The following CSMD1 variants were observed in gnomAD, a reference collection of about 807,000 sequenced individuals.
CSMD1 encodes CUB and sushi domain-containing protein 1.
CSMD1 carries 213 observed loss-of-function variants against 417.5 expected under a neutral mutation model. The observed-to-expected ratio is 0.51, with a 90% CI of 0.46 to 0.57. The LOEUF is 0.57. CSMD1 is among the 20% of genes least tolerant of loss of function. The pLI is 0.00. For missense variants in CSMD1, 6,923 were observed against 4,529.7 expected, an observed-to-expected ratio of 1.53 and a Z score of -15.17; for synonymous variants, 2,862 against 1,736.8, an observed-to-expected ratio of 1.65 and a Z score of -16.11.
intron 49 of CSMD1, among the ~76,000 whole-genome samples, chr8:3,067,705 C>A (rs1198155525): frequency 6.6e-6 from 1 of 151,014 alleles, no homozygotes; most frequent in African/African-American, 2.4e-5. Context: ...ATGAAATATA[C>A]AATAAACGAG....
chr8:3,979,432 G>A lies in CSMD1; in HGVS notation c.818+18471C>T, dbSNP rs143880980. Reference sequence around the variant, plus strand: ...ACATGGAAAAGCTGCAGGAGAAGGCGTTGATAAATGTGCATGCAACTCACA... The same window carrying A: ...ACATGGAAAAGCTGCAGGAGAAGGCATTGATAAATGTGCATGCAACTCACA... On this transcript the variant is annotated intron_variant, in intron 5 of 69. Coordinates refer to ENST00000635120, the MANE Select transcript of CSMD1 (RefSeq NM_033225.6). Among the ~76,000 whole-genome samples the A allele has an allele frequency of 4.6e-5, 7 of 152,282 alleles. No homozygotes were observed. In the East Asian group the frequency reaches 5.8e-4, roughly 13 times the overall value.
intron 2 of CSMD1, among the ~76,000 whole-genome samples, chr8:4,423,246 G>C (rs191283566): frequency 6.6e-5 from 10 of 152,056 alleles, no homozygotes; most frequent in Non-Finnish European, 1.0e-4. Flanking sequence ...TATGCGTATG[G>C]GTCAGATAGG....
chr8:3,906,734 C>G (rs1268886896), intron 5 of CSMD1, among the ~76,000 whole-genome samples: 1 of 151,684 alleles, frequency 6.6e-6, no homozygotes, highest in African/African-American at 2.4e-5. Context: ...AGATTTTCCT[C>G]ATCTTTGATA....
intron 26 of CSMD1, among the ~76,000 whole-genome samples, chr8:3,281,858 TG>T (rs1386819742): frequency 2.0e-5 from 3 of 152,152 alleles, no homozygotes; most frequent in Admixed American, 6.5e-5. Context: ...GATTGGATCA[TG>T]GGGGTAGTTT....
At chr8:4,504,580 G>T (rs555856914) in intron 2 of CSMD1, among the ~76,000 whole-genome samples, 1 of 152,190 alleles carries the variant, frequency 6.6e-6, no homozygotes, top group South Asian at 2.1e-4. Context: ...CCATCATCTA[G>T]GTTTTAAGCC....
intron 3 of CSMD1, among the ~76,000 whole-genome samples, chr8:4,304,102 A>G (rs28414999): frequency 0.029 from 4,435 of 152,290 alleles, 219 homozygotes; most frequent in African/African-American, 0.1. Context: ...GTTGTCTTAT[A>G]AAATTAACCA....
At chr8:4,001,422 T>C (rs990953325) in intron 4 of CSMD1, among the ~76,000 whole-genome samples, 5 of 152,168 alleles carry the variant, frequency 3.3e-5, no homozygotes, top group African/African-American at 9.7e-5. Context: ...AGGGAGTTTG[T>C]AGGGCTCCGG....
chr8:4,518,673 G>C (rs1486868854), intron 2 of CSMD1, among the ~76,000 whole-genome samples: 2 of 147,724 alleles, frequency 1.4e-5, no homozygotes, highest in African/African-American at 2.4e-5. Context: ...GCTAAATGAC[G>C]AGTTAACGGT....
At chr8:4,682,292 A>G (rs542790112) in intron 1 of CSMD1, among the ~76,000 whole-genome samples, 1 of 152,246 alleles carries the variant, frequency 6.6e-6, no homozygotes, top group Non-Finnish European at 1.5e-5. Context: ...TAGCCTCCCA[A>G]AGTTCTAGGA....
intron 26 of CSMD1, among the ~76,000 whole-genome samples, chr8:3,238,661 C>G (rs1236388229): frequency 6.6e-6 from 1 of 151,974 alleles, no homozygotes; most frequent in Non-Finnish European, 1.5e-5. Flanking sequence ...GGCCTGGATA[C>G]AGTTTTGTAT....
At chr8:3,993,310 G>C (rs1814904288) in intron 5 of CSMD1, among the ~76,000 whole-genome samples, 1 of 152,160 alleles carries the variant, frequency 6.6e-6, no homozygotes, top group Non-Finnish European at 1.5e-5. Context: ...CGTGAGAGAA[G>C]GATTGATTTC....
chr8:3,050,578 A>G (rs1165872406), intron 50 of CSMD1, among the ~76,000 whole-genome samples: 1 of 152,218 alleles, frequency 6.6e-6, no homozygotes, highest in East Asian at 1.9e-4. Flanking sequence ...CTCAAAAAAC[A>G]TACCAATGTA....
rs183372806 is a variant in CSMD1, at chr8:3,433,003, G to C, written c.1562-23398C>G. Among the ~76,000 whole-genome samples the C allele has an allele frequency of 5.5e-4, 84 of 152,270 alleles. 1 individual carries two copies. The East Asian group carries it at 0.015, about 28-fold the overall frequency. ...AGTAGCAGATGGCATACAAAATTCAGTTTAAGATGTGCAAACAAGTCATTG... is the reference window on the plus strand; with the variant it reads ...AGTAGCAGATGGCATACAAAATTCACTTTAAGATGTGCAAACAAGTCATTG... On this transcript the variant is annotated intron_variant, in intron 12 of 69. Coordinates refer to ENST00000635120, the MANE Select transcript of CSMD1 (RefSeq NM_033225.6).
chr8:3,911,387 G>A (rs897257706), intron 5 of CSMD1, among the ~76,000 whole-genome samples: 1 of 151,724 alleles, frequency 6.6e-6, no homozygotes, highest in South Asian at 2.1e-4. Flanking sequence ...AATTAGCTGG[G>A]TATGGTGGCG....
intron 4 of CSMD1, among the ~76,000 whole-genome samples, chr8:4,002,903 G>C (rs898207203): frequency 8.5e-5 from 13 of 152,060 alleles, no homozygotes; most frequent in African/African-American, 1.7e-4. Flanking sequence ...ATAATATATG[G>C]TCTCAAATTA....
chr8:4,024,419 T>C (rs1011094247), intron 4 of CSMD1, among the ~76,000 whole-genome samples: 2 of 152,194 alleles, frequency 1.3e-5, no homozygotes, highest in South Asian at 2.1e-4. Flanking sequence ...AACTTTATTA[T>C]TAAACTCTTC....
At chr8:4,769,616 T>G (rs978844814) in intron 1 of CSMD1, among the ~76,000 whole-genome samples, 2 of 152,206 alleles carry the variant, frequency 1.3e-5, no homozygotes, top group Admixed American at 6.5e-5. Flanking sequence ...TCTAAGATAA[T>G]TTCTGATCTA....
intron 3 of CSMD1, among the ~76,000 whole-genome samples, chr8:4,153,104 G>C (rs1796655959): frequency 6.6e-6 from 1 of 152,182 alleles, no homozygotes; most frequent in Non-Finnish European, 1.5e-5. Flanking sequence ...AATTAATGTA[G>C]CCGTAAAGGA....
intron 3 of CSMD1, among the ~76,000 whole-genome samples, chr8:4,246,570 A>AACATC (rs1802722966): frequency 6.6e-6 from 1 of 152,158 alleles, no homozygotes; most frequent in Non-Finnish European, 1.5e-5. Flanking sequence ...CTTTAAAATA[A>AACATC]TTATTTGCAA....
Sources: gnomAD v4.1 joint callset for allele counts (sites outside exome capture counted in the v4.1 genomes callset) on GRCh38, gnomAD v4.1.1 for gene constraint, MANE v1.5 for transcripts, NCBI Gene and HGNC (gene_info 2026-07-23, HGNC 2026-07-21) for gene names.